PLCXD2: variants seen among roughly 807,000 people sequenced by gnomAD.
PLCXD2 encodes the protein phosphatidylinositol specific phospholipase C X domain containing 2.
In PLCXD2, 21 loss-of-function variants were observed where a neutral mutation model predicts 28.6. That is an observed-to-expected ratio of 0.73 (90% CI 0.52 to 1.06). PLCXD2 has a LOEUF of 1.06. Among genes scored for constraint, PLCXD2 ranks in the 50% least tolerant of loss-of-function variants. PLCXD2 has a pLI of 0.00. For synonymous variants in PLCXD2, 140 were observed against 150.1 expected (o/e 0.93, Z 0.49); for missense variants, 369 against 376.7 (o/e 0.98, Z 0.17).
intron 1 of PLCXD2, among the ~76,000 whole-genome samples, chr3:111,691,902 A>G (rs556148860): frequency 1.3e-5 from 2 of 152,356 alleles, no homozygotes; most frequent in South Asian, 4.1e-4. Flanking sequence ...CCAGCCTGGC[A>G]TTAGGTACAT....
chr3:111,684,210 G>T (rs901640719), intron 1 of PLCXD2, among the ~76,000 whole-genome samples: 2 of 150,322 alleles, frequency 1.3e-5, no homozygotes, highest in African/African-American at 2.5e-5. Context: ...TGCACCTGTA[G>T]TCCCAGCTAC....
rs764611588 is a variant in PLCXD2 at position 111,714,078 on chromosome 3, G to C, written c.816G>C (p.Lys272Asn). ...AAGCGATCCTCACCCCCAGAGTGAA[G>C]ACCATTGCCCGGGGCTTGGTTGGGG... The change falls in exon 3 of 5, where the codon AAG becomes AAC. Residue 272 changes from lysine (K) to asparagine (N), a missense_variant. Physicochemically the swap from Lys to Asn is moderately conservative, Grantham distance 94. Transcript: ENST00000477665. The C allele has an allele frequency of 1.9e-6, 3 of 1,614,178 alleles. No homozygotes were observed. In the South Asian group the frequency reaches 3.3e-5, roughly 18 times the overall value.
intron 1 of PLCXD2, among the ~76,000 whole-genome samples, chr3:111,681,316 C>A (rs1940710896): frequency 6.6e-6 from 1 of 152,232 alleles, no homozygotes; most frequent in Non-Finnish European, 1.5e-5. Context: ...ACTGTCATCC[C>A]CAGACATCCA....
chr3:111,700,663 T>C (rs1941028530), intron 1 of PLCXD2, among the ~76,000 whole-genome samples: 1 of 152,204 alleles, frequency 6.6e-6, no homozygotes, highest in Non-Finnish European at 1.5e-5. Flanking sequence ...GTCATATTAA[T>C]ATTCGTATGT....
At chr3:111,705,560 C>T (rs1026821720) in intron 1 of PLCXD2, among the ~76,000 whole-genome samples, 3 of 152,134 alleles carry the variant, frequency 2.0e-5, no homozygotes, top group African/African-American at 7.2e-5. Context: ...AGTAGTTCTA[C>T]ATTTAGTTTT....
intron 1 of PLCXD2, among the ~76,000 whole-genome samples, chr3:111,689,970 TA>T (rs150619580): frequency 6.6e-6 from 1 of 152,302 alleles, no homozygotes; most frequent in African/African-American, 2.4e-5. Context: ...TAGCACTTCC[TA>T]GGGGACCGAT....
At chr3:111,684,554 T>C (rs1296350646) in intron 1 of PLCXD2, among the ~76,000 whole-genome samples, 1 of 151,592 alleles carries the variant, frequency 6.6e-6, no homozygotes, top group Non-Finnish European at 1.5e-5. Context: ...CCTGGGAGAC[T>C]GAGGCAGGAG....
intron 1 of PLCXD2, among the ~76,000 whole-genome samples, chr3:111,706,260 T>G (rs1941116867): frequency 6.6e-6 from 1 of 152,228 alleles, no homozygotes; most frequent in Non-Finnish European, 1.5e-5. Context: ...TCCTTGTATA[T>G]TCTGGATATT....
In PLCXD2 at chr3:111,708,317, A is replaced by T; in HGVS notation, c.555A>T (p.Gly185=). Residue 185 remains glycine, a synonymous_variant, in exon 2 of 5, where the codon GGA becomes GGT. Coordinates refer to ENST00000477665, the MANE Select transcript of PLCXD2 (RefSeq NM_001185106.1). Reference sequence around the variant, plus strand: ...TTCTGCGGATCCAGGAGGCCTTTGGAAACAAGCTGTGCCCAGCCTGCAGTG... The same window carrying T: ...TTCTGCGGATCCAGGAGGCCTTTGGTAACAAGCTGTGCCCAGCCTGCAGTG... The T allele has an allele frequency of 6.2e-7, 1 of 1,614,158 alleles. No homozygotes were observed. Among genetic ancestry groups the T allele is most frequent in the Middle Eastern group, 1.6e-4 (1 of 6,062 alleles).
intron 1 of PLCXD2, among the ~76,000 whole-genome samples, chr3:111,679,193 T>G (rs1490458519): frequency 6.6e-6 from 1 of 152,212 alleles, no homozygotes; most frequent in Non-Finnish European, 1.5e-5. Context: ...AACTACCTTG[T>G]TGAGAAAATA....
intron 1 of PLCXD2, among the ~76,000 whole-genome samples, chr3:111,696,191 T>C (rs1343565851): frequency 6.6e-6 from 1 of 152,210 alleles, no homozygotes; most frequent in Non-Finnish European, 1.5e-5. Context: ...TCTATCTTTT[T>C]ATAAGCATGA....
At chr3:111,701,057 G>C (rs1207861847) in intron 1 of PLCXD2, among the ~76,000 whole-genome samples, 2 of 152,098 alleles carry the variant, frequency 1.3e-5, no homozygotes, top group Non-Finnish European at 2.9e-5. Context: ...GAGGAACAAT[G>C]AATCAGGTAC....
intron 3 of PLCXD2, among the ~76,000 whole-genome samples, chr3:111,717,039 CAA>C (rs1251624520): frequency 6.6e-6 from 1 of 152,050 alleles, no homozygotes; most frequent in Non-Finnish European, 1.5e-5. Flanking sequence ...ACTTCTAAAA[CAA>C]GAGAAAATAC....
At position 111,696,304 on chromosome 3, in the gene PLCXD2, T is replaced by C. The variant is rs190896720; in HGVS notation, c.164-11622T>C. Among the ~76,000 whole-genome samples, 543 of 152,364 alleles carry C rather than the reference T, an allele frequency of 3.6e-3. 3 individuals are homozygous for C. Among genetic ancestry groups the C allele is most frequent in the Non-Finnish European group, 6.4e-3 (437 of 68,026 alleles). On this transcript the variant is annotated intron_variant, in intron 1 of 4. Coordinates refer to ENST00000477665, the MANE Select transcript of PLCXD2 (RefSeq NM_001185106.1). ...GGTAGCTAGCATCATATGAATTACT[T>C]AGCTTTATTAAGATAAAGTGTGAGC...
intron 1 of PLCXD2, among the ~76,000 whole-genome samples, chr3:111,701,586 A>G (rs1941042306): frequency 6.6e-6 from 1 of 152,212 alleles, no homozygotes; most frequent in African/African-American, 2.4e-5. Flanking sequence ...GGAATGTGTC[A>G]TAATCAAAGC....
intron 3 of PLCXD2, chr3:111,725,762 T>C (rs1941407370): frequency 2.5e-6 from 1 of 398,444 alleles, no homozygotes. Context: ...TTTACCCTTA[T>C]ATTTGGGGGG....
At chr3:111,685,043 A>T (rs938706810) in intron 1 of PLCXD2, among the ~76,000 whole-genome samples, 8 of 152,162 alleles carry the variant, frequency 5.3e-5, no homozygotes, top group Non-Finnish European at 1.0e-4. Context: ...GCAGGTGCTT[A>T]GTCTGGGGCA....
At chr3:111,715,418 CT>C (rs1310721445) in intron 3 of PLCXD2, among the ~76,000 whole-genome samples, 1 of 152,186 alleles carries the variant, frequency 6.6e-6, no homozygotes, top group African/African-American at 2.4e-5. Flanking sequence ...GAATATTATA[CT>C]GTCTGCTGTC....
At chr3:111,681,908 A>G (rs922913889) in intron 1 of PLCXD2, among the ~76,000 whole-genome samples, 9 of 152,218 alleles carry the variant, frequency 5.9e-5, no homozygotes, top group African/African-American at 2.2e-4. Flanking sequence ...TGCTAGTGAA[A>G]TGCTTTAGCG....
Sources: allele counts gnomAD v4.1 joint callset (sites outside exome capture counted in the v4.1 genomes callset), GRCh38; gene constraint gnomAD v4.1.1; transcripts MANE v1.5; gene names NCBI Gene and HGNC (gene_info 2026-07-23, HGNC 2026-07-21).